The following TPCN2 variants were observed in gnomAD, a reference collection of about 807,000 sequenced individuals.
TPCN2 encodes the protein two pore channel protein 2.
TPCN2 carries 92 observed loss-of-function variants against 111.4 expected under a neutral mutation model. That is an observed-to-expected ratio of 0.83 (90% CI 0.70 to 0.98). The LOEUF (loss-of-function observed/expected upper bound fraction) is 0.98, where lower values mean the gene tolerates loss of function less well. TPCN2 is among the 50% of genes least tolerant of loss of function. The pLI is 0.00. For missense variants in TPCN2, 995 were observed against 980.1 expected (o/e 1.02, Z -0.20); for synonymous variants, 405 against 414.5 (o/e 0.98, Z 0.28).
rs769644750 is a variant in TPCN2 at position 69,086,541 on chromosome 11, T to G, written c.2022T>G (p.Phe674Leu). 1 of 1,614,186 alleles carries G rather than the reference T, an allele frequency of 6.2e-7. No individual in the cohort carries two copies. The highest frequency in any genetic ancestry group is 1.3e-5 in the African/African-American group (1 of 75,054). The change falls in exon 23 of 25, where the codon TTT becomes TTG. Residue 674 changes from phenylalanine to leucine, a missense_variant. Coordinates refer to ENST00000294309, the MANE Select transcript of TPCN2 (RefSeq NM_139075.4). ...TCCGCAGGTGGTCCAAGATCTATTTTGTATTGTGGTGGCTGGTGTCGTCTG... is the reference window on the plus strand; with the variant it reads ...TCCGCAGGTGGTCCAAGATCTATTTGGTATTGTGGTGGCTGGTGTCGTCTG... ...RYSGPWSKIYFVLWWLVSSVI... is the reference protein window; with the variant it reads ...RYSGPWSKIYLVLWWLVSSVI...
At chr11:69,077,422 C>G (rs532271572) in intron 13 of TPCN2, among the ~76,000 whole-genome samples, 1 of 152,296 alleles carries the variant, frequency 6.6e-6, no homozygotes, top group Admixed American at 6.5e-5. Flanking sequence ...CTAAGAAAGC[C>G]TCAACTCCCG....
intron 24 of TPCN2, among the ~76,000 whole-genome samples, chr11:69,087,598 C>T (rs1222133642): frequency 6.6e-6 from 1 of 152,178 alleles, no homozygotes; most frequent in African/African-American, 2.4e-5. Context: ...TGCTGTGGGG[C>T]CTCTGTGCCT....
chr11:69,085,644 C>G, intron 20 of TPCN2, 27 bp from the exon 21 acceptor site: 1 of 1,504,250 alleles, frequency 6.6e-7, no homozygotes, highest in Non-Finnish European at 9.2e-7. Context: ...GCCCCCGCCC[C>G]TGACCCAGGT....
At position 69,085,910 on chromosome 11, in the gene TPCN2, A is replaced by G. The variant is rs1856253078; in HGVS notation, c.1983A>G (p.Ala661=). 1.9e-6 allele frequency: 3 copies of G among 1,614,154 alleles called. No homozygotes were observed. The highest frequency in any genetic ancestry group is 1.6e-4 in the Middle Eastern group (1 of 6,062). The part of the protein sequence containing the change: ...VVNNWQVFLD[A]YRRYSGPWSK... ...ACAACTGGCAGGTGTTTCTGGATGCATATCGGCGCTACTCAGGCCCGTGAG... is the reference window on the plus strand; with the variant it reads ...ACAACTGGCAGGTGTTTCTGGATGCGTATCGGCGCTACTCAGGCCCGTGAG... The change falls in exon 22 of 25, where the codon GCA becomes GCG. Residue 661 remains alanine (A), a synonymous_variant. Transcript: ENST00000294309.
chr11:69,051,433 T>G (rs1273939828), intron 1 of TPCN2, among the ~76,000 whole-genome samples: 2 of 152,136 alleles, frequency 1.3e-5, no homozygotes, highest in African/African-American at 4.8e-5. Context: ...TCCTATTGGG[T>G]GGGGGTCCAT....
chr11:69,049,384 G>C (rs888651016), intron 1 of TPCN2, among the ~76,000 whole-genome samples: 16 of 152,224 alleles, frequency 1.1e-4, no homozygotes, highest in Non-Finnish European at 5.9e-5. Flanking sequence ...GCCCAGCCTT[G>C]GGCAGCCCCG....
chr11:69,060,687 T>C (rs1854982276), intron 5 of TPCN2, among the ~76,000 whole-genome samples: 1 of 152,138 alleles, frequency 6.6e-6, no homozygotes. Context: ...TGGGCTCTTG[T>C]GTCTGGGGAA....
intron 1 of TPCN2, among the ~76,000 whole-genome samples, chr11:69,050,447 C>T (rs1028536265): frequency 6.6e-6 from 1 of 152,216 alleles, no homozygotes; most frequent in African/African-American, 2.4e-5. Flanking sequence ...GTGATCTCGG[C>T]TCACTGCAGC....
At chr11:69,057,389 C>G (rs1427475742) in intron 4 of TPCN2, among the ~76,000 whole-genome samples, 189 bp from the exon 5 acceptor site, 1 of 152,244 alleles carries the variant, frequency 6.6e-6, no homozygotes, top group African/African-American at 2.4e-5. Flanking sequence ...GACTGCACAG[C>G]GAGTCCCTAG....
At chr11:69,064,179 C>T (rs1250207814) in intron 7 of TPCN2, among the ~76,000 whole-genome samples, 1 of 152,078 alleles carries the variant, frequency 6.6e-6, no homozygotes, top group East Asian at 1.9e-4. Flanking sequence ...CCTGGGGTCT[C>T]CTGGGCTCAG....
intron 16 of TPCN2, 54 bp downstream of exon 16, chr11:69,079,074 C>T: frequency 6.4e-7 from 1 of 1,562,962 alleles, no homozygotes; most frequent in Non-Finnish European, 8.6e-7. Flanking sequence ...GTGAGCGCCA[C>T]CTGGGCTCTG....
At chr11:69,077,371 C>CCCTCCTGCCATGTCCCTCCACT (rs1590742038) in intron 13 of TPCN2, among the ~76,000 whole-genome samples, 3 of 62,104 alleles carry the variant, frequency 4.8e-5, no homozygotes, top group East Asian at 6.8e-4. Context: ...GTCCCTCCAC[C>CCCTCCTGCCATGTCCCTCCACT]TGCCCTCCTG....
intron 1 of TPCN2, among the ~76,000 whole-genome samples, chr11:69,049,313 C>T (rs1861107128): frequency 6.6e-6 from 1 of 152,194 alleles, no homozygotes; most frequent in Admixed American, 6.5e-5. Context: ...GGGGTCAGGG[C>T]AGAGCTGGGG....
intron 13 of TPCN2, among the ~76,000 whole-genome samples, chr11:69,076,602 CGTGTCCCTCCACCTGCCCTCCTGCG>C (rs1565091183): frequency 4.8e-5 from 2 of 41,722 alleles, no homozygotes; most frequent in African/African-American, 1.1e-4. Flanking sequence ...GCCCTCCTGC[CGTGTCCCTCCACCTGCCCTCCTGCG>C]GTGTCCCTCC....
rs116400527 is a variant in TPCN2, at chr11:69,084,748, C to G, written c.1762-462C>G. 3.0e-4 allele frequency: 297 copies of G among 985,446 alleles called. No homozygotes were observed. The African/African-American group carries it at 4.7e-3, about 16-fold the overall frequency. The allele number at this position is 985,446 out of a possible 1,614,324, so 61.0% of individuals were successfully genotyped here. ...TCTGGGCTGGACCCCAGCTGTGCCTCGCGCCTCTGGAAATAGACGCTGGGA... is the reference window on the plus strand; with the variant it reads ...TCTGGGCTGGACCCCAGCTGTGCCTGGCGCCTCTGGAAATAGACGCTGGGA... On this transcript the variant is annotated intron_variant, in intron 19 of 24. Coordinates refer to ENST00000294309, the MANE Select transcript of TPCN2 (RefSeq NM_139075.4).
intron 19 of TPCN2, 76 bp from the exon 20 acceptor site, chr11:69,085,134 C>T (rs1856215071): frequency 8.2e-6 from 11 of 1,347,188 alleles, no homozygotes; most frequent in East Asian, 4.6e-5. Flanking sequence ...TCTGGCTTTG[C>T]GGTTCTGTCT....
At chr11:69,066,341 C>T (rs1855272973) in intron 7 of TPCN2, among the ~76,000 whole-genome samples, 2 of 152,150 alleles carry the variant, frequency 1.3e-5, no homozygotes, top group Admixed American at 1.3e-4. Flanking sequence ...CCAGGAGGGG[C>T]CCGCCTAGCT....
At chr11:69,079,737 G>T in intron 16 of TPCN2, 97 bp from the exon 17 acceptor site, 1 of 1,176,194 alleles carries the variant, frequency 8.5e-7, no homozygotes. Context: ...CCCCTTTTGG[G>T]GAGAATGTGT....
chr11:69,076,928 T>C (rs1174117239), intron 13 of TPCN2, among the ~76,000 whole-genome samples: 1 of 102,700 alleles, frequency 9.7e-6, no homozygotes, highest in African/African-American at 4.4e-5. Flanking sequence ...CCTCCTGCCA[T>C]GCCCCTCCAC....
Sources: gnomAD v4.1 joint callset for allele counts (sites outside exome capture counted in the v4.1 genomes callset) on GRCh38, gnomAD v4.1.1 for gene constraint, MANE v1.5 for transcripts, NCBI Gene and HGNC (gene_info 2026-07-23, HGNC 2026-07-21) for gene names.